The following TTYH2 variants were observed in gnomAD, a reference collection of about 807,000 sequenced individuals.
TTYH2 encodes tweety family member 2.
TTYH2 carries 49 observed loss-of-function variants against 68.3 expected under a neutral mutation model. The observed-to-expected ratio is 0.72, with a 90% CI of 0.57 to 0.91. The LOEUF is 0.91. TTYH2 is among the 40% of genes least tolerant of loss of function. The probability of loss-of-function intolerance (pLI) is 0.00; values close to 1 mark genes in which losing one functional copy is unlikely to be tolerated. For synonymous variants in TTYH2, 272 were observed against 300.8 expected, an observed-to-expected ratio of 0.90 and a Z score of 0.99; for missense variants, 631 against 700.4, an observed-to-expected ratio of 0.90 and a Z score of 1.12.
chr17:74,235,317 TC>T (rs1011788431), intron 3 of TTYH2, among the ~76,000 whole-genome samples: 12 of 152,188 alleles, frequency 7.9e-5, no homozygotes, highest in Non-Finnish European at 2.9e-5. Flanking sequence ...GTCGTTTTTA[TC>T]TCCCAGACCC....
chr17:74,251,236 G>T (rs1003356416), intron 10 of TTYH2, among the ~76,000 whole-genome samples: 4 of 151,324 alleles, frequency 2.6e-5, no homozygotes, highest in African/African-American at 9.7e-5. Flanking sequence ...CTGTATGTGT[G>T]TGTGGGGTGT....
At chr17:74,219,387 CAAAA>C (rs1031171600) in intron 1 of TTYH2, among the ~76,000 whole-genome samples, 14 of 88,444 alleles carry the variant, frequency 1.6e-4, no homozygotes, top group Admixed American at 5.5e-4. Flanking sequence ...GACTCCGTGT[CAAAA>C]AAAAAAAAAA....
intron 13 of TTYH2, among the ~76,000 whole-genome samples, chr17:74,255,206 T>C (rs1408702280): frequency 6.6e-6 from 1 of 152,284 alleles, no homozygotes; most frequent in African/African-American, 2.4e-5. Context: ...TCATGGCTTA[T>C]GGCCTCTGTG....
At chr17:74,251,111 T>C (rs1232121107) in intron 10 of TTYH2, among the ~76,000 whole-genome samples, 1 of 53,292 alleles carries the variant, frequency 1.9e-5, no homozygotes, top group East Asian at 2.5e-4. Context: ...GTGTGTGGTG[T>C]GTTTCTGCGG....
chr17:74,248,792 G>A, intron 6 of TTYH2: 1 of 1,417,810 alleles, frequency 7.1e-7, no homozygotes, highest in East Asian at 2.5e-5. Flanking sequence ...TGTCACAGAT[G>A]AGGCAACCGG....
intron 3 of TTYH2, among the ~76,000 whole-genome samples, chr17:74,236,914 G>C (rs1328124249): frequency 7.9e-6 from 1 of 127,338 alleles, no homozygotes; most frequent in African/African-American, 3.1e-5. Context: ...TTTTTTTTTC[G>C]ACACAGAGTA....
chr17:74,215,599 C>A lies in TTYH2; in HGVS notation c.129+1883C>A. 7 of 1,534,108 alleles carry A rather than the reference C, an allele frequency of 4.6e-6. No individual in the cohort carries two copies. Among genetic ancestry groups the A allele is most frequent in the Non-Finnish European group, 6.1e-6 (7 of 1,146,018 alleles). ...CTGACACCAGCCCTGCCCACTGGCT[C>A]CTGGTCCCGCTCACCCCCTCACCAC... is the stretch of plus-strand genomic sequence containing the variant. On this transcript the variant is annotated intron_variant, in intron 1 of 13. Coordinates refer to ENST00000269346, the MANE Select transcript of TTYH2 (RefSeq NM_032646.6). This position sits in a 1 kb window ranked among gnomAD's most constrained non-coding sequence, Gnocchi z 4.3.
rs142614330 is a variant in TTYH2 at position 74,247,759 on chromosome 17, G to A, written c.805-1252G>A. On this transcript the variant is annotated intron_variant, in intron 6 of 13. Transcript: ENST00000269346. ...GCCTGCTGGCGCCGCAGCTCTGATAGGTAATAATAGGCCAGGTTGATGTAT... is the reference window on the plus strand; with the variant it reads ...GCCTGCTGGCGCCGCAGCTCTGATAAGTAATAATAGGCCAGGTTGATGTAT... 1.4e-3 allele frequency among the ~76,000 whole-genome samples: 218 copies of A among 152,310 alleles called. 1 individual carries two copies. The highest frequency in any genetic ancestry group is 5.1e-3 in the African/African-American group (210 of 41,574).
intron 2 of TTYH2, among the ~76,000 whole-genome samples, chr17:74,229,344 C>G (rs971076432): frequency 2.0e-5 from 3 of 152,172 alleles, no homozygotes; most frequent in African/African-American, 7.2e-5. Context: ...GCATCAGCAT[C>G]CCTTGGGCTG....
chr17:74,230,130 CA>C (rs2050372770), intron 2 of TTYH2, among the ~76,000 whole-genome samples: 1 of 151,300 alleles, frequency 6.6e-6, no homozygotes, highest in Admixed American at 6.6e-5. Context: ...AACTCTGTCT[CA>C]AAAAAATAAA....
At chr17:74,221,670 GCCT>G (rs1343782257) in intron 1 of TTYH2, among the ~76,000 whole-genome samples, 3 of 152,192 alleles carry the variant, frequency 2.0e-5, no homozygotes, top group African/African-American at 4.8e-5. Flanking sequence ...GTGGCACCAG[GCCT>G]CCTGACAGAC....
Position 74,250,003 on chromosome 17 carries a change from C to T in TTYH2, c.998C>T (p.Ala333Val), listed in dbSNP as rs867444223. ...CAGGTCGCGGGGCTGCTGCAGTTTG[C>T]CGTGCCCCTCTTCTCCACTGCAGAG... ...QIQVAGLLQF[A>V]VPLFSTAEED... is the part of the protein sequence containing the mutation. The change falls in exon 9 of 14, where the codon GCC becomes GTC. Residue 333 changes from alanine to valine, a missense_variant. By Grantham distance (64) the Ala-to-Val change is moderately conservative. Transcript: ENST00000269346. The T allele has an allele frequency of 6.2e-7, 1 of 1,614,134 alleles. No individual in the cohort carries two copies. Among genetic ancestry groups the T allele is most frequent in the Non-Finnish European group, 8.5e-7 (1 of 1,180,014 alleles).
At chr17:74,247,655 CCCAAGGCTTCCCCATCCT>C (rs1437525132) in intron 6 of TTYH2, among the ~76,000 whole-genome samples, 1 of 152,150 alleles carries the variant, frequency 6.6e-6, no homozygotes, top group African/African-American at 2.4e-5. Flanking sequence ...TCTTTATTTC[CCCAAGGCTTCCCCATCCT>C]CCACTTGGGC....
intron 4 of TTYH2, 125 bp downstream of exon 4, chr17:74,237,639 T>G (rs2050457895): frequency 4.6e-6 from 4 of 868,434 alleles, no homozygotes; most frequent in Non-Finnish European, 6.9e-6. Context: ...TTTGTTTTGT[T>G]TTTTTAAGAC....
chr17:74,228,273 T>C (rs1407170015), intron 2 of TTYH2, among the ~76,000 whole-genome samples: 2 of 152,150 alleles, frequency 1.3e-5, no homozygotes, highest in East Asian at 3.9e-4. Flanking sequence ...CATGAGCCAC[T>C]GCGCCTGGTA....
chr17:74,248,518 A>G (rs1479867048), intron 6 of TTYH2: 1 of 992,262 alleles, frequency 1.0e-6, no homozygotes, highest in East Asian at 1.1e-4. Context: ...TTCTTTAGAA[A>G]GAGTTTGGGG....
chr17:74,253,804 C>G lies in TTYH2; in HGVS notation c.1495C>G (p.Leu499Val). The change falls in exon 13 of 14, where the codon CTA (leucine) becomes GTA (valine). Residue 499 changes from leucine (L) to valine (V), a missense_variant. Physicochemically the swap from Leu to Val is conservative, Grantham distance 32. Transcript: ENST00000269346. ...GRNPRYENVP[L>V]IGRASPPPTY... ...GAACCCACGCTACGAGAACGTGCCA[C>G]TAATCGGGAGAGCCTCCCCTCCGCC... 1 of 1,614,248 alleles carries G rather than the reference C, an allele frequency of 6.2e-7. No homozygotes were observed. Among genetic ancestry groups the G allele is most frequent in the Non-Finnish European group, 8.5e-7 (1 of 1,180,036 alleles).
intron 4 of TTYH2, among the ~76,000 whole-genome samples, chr17:74,242,259 A>G (rs890620424): frequency 6.6e-6 from 1 of 152,294 alleles, no homozygotes; most frequent in African/African-American, 2.4e-5. Flanking sequence ...GCAGGGCTGT[A>G]GGTACCCTGA....
rs760842493 is a variant in TTYH2, at chr17:74,222,578, C to T, written c.223C>T (p.Arg75Trp). The T allele has an allele frequency of 1.7e-5, 27 of 1,612,282 alleles. No homozygotes were observed. The highest frequency in any genetic ancestry group is 1.6e-4 in the Middle Eastern group (1 of 6,084). ...CCTGGTCTGTGCATGCCACTGCCGGCGGGACGATGCGGTGCAGACCAAGCA... is the reference window on the plus strand; with the variant it reads ...CCTGGTCTGTGCATGCCACTGCCGGTGGGACGATGCGGTGCAGACCAAGCA... ...AYLVCACHCR[R>W]DDAVQTKQHH... The change falls in exon 2 of 14, where the codon CGG becomes TGG. Residue 75 changes from arginine (R) to tryptophan (W), a missense_variant. Transcript: ENST00000269346. This position sits in a 1 kb window ranked among gnomAD's most constrained non-coding sequence, Gnocchi z 5.2.
Sources: gnomAD v4.1 joint callset for allele counts (sites outside exome capture counted in the v4.1 genomes callset) on GRCh38, gnomAD v4.1.1 for gene constraint, Gnocchi (gnomAD v3.1) non-coding constraint, MANE v1.5 for transcripts, NCBI Gene and HGNC (gene_info 2026-07-23, HGNC 2026-07-21) for gene names.